SLC38A7: variants seen among roughly 807,000 people sequenced by gnomAD.
SLC38A7 encodes the protein sodium-coupled neutral amino acid transporter 7.
A neutral mutation model predicts 50.1 loss-of-function variants in SLC38A7; 29 were observed. That is an observed-to-expected ratio of 0.58 (90% confidence interval 0.43 to 0.79). SLC38A7 has a LOEUF of 0.79. Among genes scored for constraint, SLC38A7 ranks in the 30% least tolerant of loss-of-function variants. SLC38A7 has a pLI of 0.00. For synonymous variants in SLC38A7, 244 were observed against 245.9 expected (o/e 0.99, Z 0.07); for missense variants, 483 against 610.6 (o/e 0.79, Z 2.20).
rs2044458511 is a variant in SLC38A7 at position 58,684,767 on chromosome 16, A to G, written c.-390T>C. ...CTGCGGAGACACGTGAGCATGCATC[A>G]CATGACGCCCGCTCGGGCGGCCGCG... is the stretch of plus-strand genomic sequence containing the variant. On this transcript the variant is annotated 5_prime_UTR_variant, in exon 1 of 12. An upstream open reading frame in the 5' UTR loses its in-frame stop. Coordinates refer to ENST00000219320, the MANE Select transcript of SLC38A7 (RefSeq NM_018231.3). 6.6e-6 allele frequency: 1 copy of G among 152,254 alleles called. No individual in the cohort carries two copies. Among genetic ancestry groups the G allele is most frequent in the South Asian group, 2.1e-4 (1 of 4,832 alleles). 9.4% of individuals were successfully genotyped at this position (152,254 alleles called of 1,614,324 possible).
chr16:58,677,574 A>C, intron 5 of SLC38A7, 150 bp from the exon 6 acceptor site: 1 of 660,504 alleles, frequency 1.5e-6, no homozygotes, highest in East Asian at 2.8e-5. Context: ...AACGCCTGAG[A>C]AGTAGTTTCA....
intron 10 of SLC38A7, among the ~76,000 whole-genome samples, chr16:58,670,538 G>GA (rs2044138816): frequency 6.6e-6 from 1 of 152,236 alleles, no homozygotes; most frequent in Non-Finnish European, 1.5e-5. Flanking sequence ...AGACAAGCTG[G>GA]AAAAGGGTGG....
chr16:58,667,266 G>A lies in SLC38A7; in HGVS notation c.*119C>T, dbSNP rs907667781. ...GAGTTTGCCCCAGTCCCTGGAAGAG[G>A]ATGTCCGGATGTCATCCCACCAGTT... is the stretch of plus-strand genomic sequence containing the variant. On this transcript the variant is annotated 3_prime_UTR_variant, in exon 12 of 12. Transcript: ENST00000219320. 2 of 1,050,480 alleles carry A rather than the reference G, an allele frequency of 1.9e-6. No homozygotes were observed. The highest frequency in any genetic ancestry group is 1.9e-5 in the Admixed American group (1 of 51,362). The allele number at this position is 1,050,480 out of a possible 1,614,324, so 65.1% of individuals were successfully genotyped here. A position where few individuals can be genotyped will look rare whatever the true frequency, so the allele number is the denominator to read the frequency against.
chr16:58,667,018 C>A lies in SLC38A7; in HGVS notation c.*367G>T. 3.2e-6 allele frequency: 1 copy of A among 311,104 alleles called. No individual in the cohort carries two copies. The highest frequency in any genetic ancestry group is 4.7e-5 in the Admixed American group (1 of 21,356). The allele number at this position is 311,104 out of a possible 1,614,324, so 19.3% of individuals were successfully genotyped here. On this transcript the variant is annotated 3_prime_UTR_variant, in exon 12 of 12. Coordinates refer to ENST00000219320, the MANE Select transcript of SLC38A7 (RefSeq NM_018231.3). ...CAGGGTGCTCTGTGGAGGATGGTGG[C>A]CTTCTGTCCATAGTCATTCTCCAGA...
Position 58,677,347 on chromosome 16 carries a change from G to T in SLC38A7, c.689C>A (p.Thr230Asn). The T allele has an allele frequency of 6.2e-7, 1 of 1,614,000 alleles. No individual in the cohort carries two copies. The highest frequency in any genetic ancestry group is 1.1e-5 in the South Asian group (1 of 91,074). The change falls in exon 6 of 12, where the codon ACC (threonine) becomes AAC (asparagine). Residue 230 changes from threonine to asparagine, a missense_variant. Transcript: ENST00000219320. ...TCACCTGGTCAGGATGTTCCCTGGG[G>T]TCATCTCTTTATCTGGCCAGATGTA... ...IKYIWPDKEM[T>N]PGNILTRPAS...
Position 58,675,992 on chromosome 16 carries a change from A to G in SLC38A7, c.831T>C (p.Gly277=), listed in dbSNP as rs2044258596. 6.2e-7 allele frequency: 1 copy of G among 1,613,370 alleles called. No homozygotes were observed. The change falls in exon 8 of 12, where the codon GGT becomes GGC. Residue 277 remains glycine (G), a synonymous_variant. Transcript: ENST00000219320. The part of the protein sequence containing the change: ...SMQQPEVKTW[G]GVVTAAMVIA... ...TGACCATGGCAGCTGTCACCACTCC[A>G]CCCCAGGTCTTCACTTCAGGCTGCT...
rs1011488690 is a variant in SLC38A7 at position 58,680,132 on chromosome 16, C to T, written c.-6G>A. 4.6e-6 allele frequency: 7 copies of T among 1,515,066 alleles called. No homozygotes were observed. The highest frequency in any genetic ancestry group is 2.7e-5 in the South Asian group (2 of 75,114). 93.9% of individuals were successfully genotyped at this position (1,515,066 alleles called of 1,614,324 possible). On this transcript the variant is annotated 5_prime_UTR_variant, in exon 3 of 12. Coordinates refer to ENST00000219320, the MANE Select transcript of SLC38A7 (RefSeq NM_018231.3). ...TTGATGCTGACCTGGGCCATGGCCCCGAGAGCCTTCTTCCTGCAAGGTCTG... is the reference window on the plus strand; with the variant it reads ...TTGATGCTGACCTGGGCCATGGCCCTGAGAGCCTTCTTCCTGCAAGGTCTG...
intron 11 of SLC38A7, among the ~76,000 whole-genome samples, chr16:58,669,893 T>A (rs1191725724): frequency 6.6e-6 from 1 of 151,134 alleles, no homozygotes; most frequent in Non-Finnish European, 1.5e-5. Context: ...GAGAATGGTG[T>A]GAACCCAGGA....
At chr16:58,671,348 C>T in intron 9 of SLC38A7, 104 bp from the exon 10 acceptor site, 1 of 1,162,488 alleles carries the variant, frequency 8.6e-7, no homozygotes. Context: ...CGGGGAAAGC[C>T]CCATTCCTGA....
rs1226067480 is a variant in SLC38A7, at chr16:58,666,955, C to CACTG, written c.*426_*429dup. The CACTG allele has an allele frequency of 1.0e-5, 2 of 192,012 alleles. No homozygotes were observed. The highest frequency in any genetic ancestry group is 2.1e-5 in the Non-Finnish European group (2 of 94,692). 11.9% of individuals were successfully genotyped at this position (192,012 alleles called of 1,614,324 possible). Reference sequence around the variant, plus strand: ...GTGGCCAGGCTCCTGAGGAAGCTACCACTGGCCTGGGGTAATGAGCACAAC... The same window carrying CACTG: ...GTGGCCAGGCTCCTGAGGAAGCTACCACTGACTGGCCTGGGGTAATGAGCACAAC... On this transcript the variant is annotated 3_prime_UTR_variant, in exon 12 of 12. Transcript: ENST00000219320.
chr16:58,675,072 T>C (rs1421153960), intron 8 of SLC38A7: 2 of 184,824 alleles, frequency 1.1e-5, no homozygotes, highest in African/African-American at 4.8e-5. Context: ...GCCTCAGTGA[T>C]TTGGTGTTTT....
chr16:58,677,240 G>A (rs1445505542), intron 6 of SLC38A7, 86 bp downstream of exon 6: 1 of 1,104,174 alleles, frequency 9.1e-7, no homozygotes, highest in Non-Finnish European at 1.4e-6. Flanking sequence ...AAGAGCACCT[G>A]TGTGGCCTTC....
At chr16:58,671,519 G>C (rs1053334628) in intron 9 of SLC38A7, 14 of 545,498 alleles carry the variant, frequency 2.6e-5, no homozygotes, top group Admixed American at 6.3e-5. Flanking sequence ...AAAGGGGAGG[G>C]TGTCCATGTG....
At chr16:58,671,764 C>CGCTGTA in intron 9 of SLC38A7, 1 of 216,374 alleles carries the variant, frequency 4.6e-6, no homozygotes, top group Non-Finnish European at 9.2e-6. Flanking sequence ...GAGATGGGGT[C>CGCTGTA]TCACTAGGTT....
At chr16:58,670,945 A>T in intron 10 of SLC38A7, 100 bp downstream of exon 10, 1 of 1,247,142 alleles carries the variant, frequency 8.0e-7, no homozygotes, top group Non-Finnish European at 1.1e-6. Flanking sequence ...GCTGGTGGTT[A>T]CTCTCTCCTG....
chr16:58,674,960 G>C (rs533027229), intron 8 of SLC38A7, among the ~76,000 whole-genome samples: 1 of 152,144 alleles, frequency 6.6e-6, no homozygotes, highest in East Asian at 1.9e-4. Flanking sequence ...AGCAGCCCTC[G>C]AGGCCCAACA....
chr16:58,670,815 T>C (rs2044144726), intron 10 of SLC38A7, among the ~76,000 whole-genome samples: 1 of 152,256 alleles, frequency 6.6e-6, no homozygotes, highest in Non-Finnish European at 1.5e-5. Flanking sequence ...TAGGCAAGTC[T>C]GTGACCCTTT....
intron 7 of SLC38A7, 94 bp from the exon 8 acceptor site, chr16:58,676,148 G>A: frequency 1.3e-6 from 2 of 1,546,476 alleles, no homozygotes; most frequent in South Asian, 2.2e-5. Flanking sequence ...CCAGGAACAA[G>A]GGGCAAGTCC....
chr16:58,673,522 C>G (rs1188712251), intron 8 of SLC38A7, among the ~76,000 whole-genome samples: 2 of 152,040 alleles, frequency 1.3e-5, no homozygotes, highest in Non-Finnish European at 2.9e-5. Flanking sequence ...GCCACCACGC[C>G]CAGCCCTAAT....
Sources: gnomAD v4.1 joint callset for allele counts (sites outside exome capture counted in the v4.1 genomes callset) on GRCh38, gnomAD v4.1.1 for gene constraint, MANE v1.5 for transcripts, NCBI Gene and HGNC (gene_info 2026-07-23, HGNC 2026-07-21) for gene names.